The following ADAMTSL1 variants were observed in gnomAD, a reference collection of about 807,000 sequenced individuals.
ADAMTSL1 encodes the protein ADAMTS like 1.
A neutral mutation model predicts 201.8 loss-of-function variants in ADAMTSL1; 126 were observed. The ratio of observed to expected loss-of-function variants is 0.62; its 90% CI spans 0.54 to 0.72. The LOEUF (loss-of-function observed/expected upper bound fraction) is 0.72, where lower values mean the gene tolerates loss of function less well. Among genes scored for constraint, ADAMTSL1 ranks in the 30% least tolerant of loss-of-function variants. ADAMTSL1 has a pLI of 0.00. For missense variants in ADAMTSL1, 2,679 were observed against 2,277.8 expected (o/e 1.18, Z -3.59); for synonymous variants, 1,121 against 903.4 (o/e 1.24, Z -4.32).
chr9:18,703,999 A>G (rs1832085051), intron 13 of ADAMTSL1, among the ~76,000 whole-genome samples: 2 of 152,018 alleles, frequency 1.3e-5, no homozygotes, highest in African/African-American at 4.8e-5. Context: ...ATAAGCTTAT[A>G]TATGTGAAAA....
At chr9:18,452,821 C>A (rs963481112) in intron 2 of ADAMTSL1, among the ~76,000 whole-genome samples, 2 of 152,232 alleles carry the variant, frequency 1.3e-5, no homozygotes, top group African/African-American at 4.8e-5. Context: ...AGGCCTCACG[C>A]AGCCTCATTC....
intron 1 of ADAMTSL1, among the ~76,000 whole-genome samples, chr9:18,067,865 T>C (rs937572419): frequency 1.3e-5 from 2 of 152,186 alleles, no homozygotes; most frequent in African/African-American, 4.8e-5. Context: ...GAGGGTTCTT[T>C]TCTAGAGCCT....
intron 19 of ADAMTSL1, among the ~76,000 whole-genome samples, chr9:18,785,288 C>T (rs1039226887): frequency 7.2e-5 from 11 of 152,154 alleles, no homozygotes; most frequent in African/African-American, 2.7e-4. Flanking sequence ...ATAAGAAGGC[C>T]ACTGGGGTCA....
At chr9:18,187,931 A>AT (rs1183712281) in intron 2 of ADAMTSL1, among the ~76,000 whole-genome samples, 1 of 152,132 alleles carries the variant, frequency 6.6e-6, no homozygotes, top group Non-Finnish European at 1.5e-5. Flanking sequence ...CCATTTATAC[A>AT]TTTTTGTGAT....
chr9:18,735,748 CTTTTTTTTT>C (rs71333066), intron 15 of ADAMTSL1, among the ~76,000 whole-genome samples: 2 of 106,686 alleles, frequency 1.9e-5, no homozygotes, highest in Non-Finnish European at 3.8e-5. Flanking sequence ...ATTCTTTTTT[CTTTTTTTTT>C]TTTTTTTTTT....
At chr9:18,706,175 AG>A (rs146577136) in intron 13 of ADAMTSL1, among the ~76,000 whole-genome samples, 468 of 152,326 alleles carry the variant, frequency 3.1e-3, no homozygotes, top group African/African-American at 0.011. Context: ...CCTGGAATTG[AG>A]GATCCTCCCC....
At chr9:18,098,849 C>G (rs1196247893) in intron 1 of ADAMTSL1, among the ~76,000 whole-genome samples, 1 of 152,142 alleles carries the variant, frequency 6.6e-6, no homozygotes, top group East Asian at 1.9e-4. Context: ...TTAGCTAGGA[C>G]TCCAGCTCAC....
At chr9:18,546,038 A>G (rs1820447111) in intron 3 of ADAMTSL1, among the ~76,000 whole-genome samples, 1 of 152,214 alleles carries the variant, frequency 6.6e-6, no homozygotes, top group Non-Finnish European at 1.5e-5. Flanking sequence ...CCATTATTTA[A>G]TTAGTTAACA....
intron 7 of ADAMTSL1, among the ~76,000 whole-genome samples, chr9:18,645,011 A>C (rs544436054): frequency 6.6e-6 from 1 of 152,226 alleles, no homozygotes; most frequent in African/African-American, 2.4e-5. Flanking sequence ...CCAACAGTGT[A>C]AAAGTGTTTC....
chr9:18,261,766 A>C (rs908800534), intron 2 of ADAMTSL1, among the ~76,000 whole-genome samples: 1 of 152,192 alleles, frequency 6.6e-6, no homozygotes, highest in Non-Finnish European at 1.5e-5. Context: ...TAAAAGCAAG[A>C]AGAGAACTAT....
intron 2 of ADAMTSL1, among the ~76,000 whole-genome samples, chr9:18,286,824 T>C (rs537458043): frequency 2.0e-5 from 3 of 152,272 alleles, no homozygotes; most frequent in South Asian, 4.1e-4. Flanking sequence ...CTAGACTAAT[T>C]CACAGATTTT....
At chr9:18,195,079 A>G (rs1287689552) in intron 2 of ADAMTSL1, among the ~76,000 whole-genome samples, 2 of 152,152 alleles carry the variant, frequency 1.3e-5, no homozygotes, top group Admixed American at 6.6e-5. Context: ...GGAACCCTTA[A>G]TATGGTACCT....
At chr9:18,129,534 G>T (rs761877009) in intron 1 of ADAMTSL1, among the ~76,000 whole-genome samples, 24 of 152,130 alleles carry the variant, frequency 1.6e-4, no homozygotes, top group Non-Finnish European at 3.1e-4. Context: ...TTTTCTGTGG[G>T]TTTTTATCTG....
chr9:18,472,504 C>G (rs1414503961), upstream of ADAMTSL1, among the ~76,000 whole-genome samples: 1 of 152,176 alleles, frequency 6.6e-6, no homozygotes, highest in Non-Finnish European at 1.5e-5. Flanking sequence ...CCTTGACTTT[C>G]CTAACAGCAT....
At chr9:18,250,827 G>T (rs922543893) in intron 2 of ADAMTSL1, among the ~76,000 whole-genome samples, 4 of 152,152 alleles carry the variant, frequency 2.6e-5, no homozygotes, top group African/African-American at 9.7e-5. Context: ...GGTAAGAGAA[G>T]AAATGACTCG....
chr9:18,816,971 T>A, intron 20 of ADAMTSL1, 138 bp from the exon 21 acceptor site: 1 of 1,145,016 alleles, frequency 8.7e-7, no homozygotes, highest in Non-Finnish European at 1.2e-6. Context: ...CGCTTGCAAT[T>A]TTTCAAGAGA....
intron 2 of ADAMTSL1, among the ~76,000 whole-genome samples, chr9:18,381,655 C>T (rs1369539980): frequency 1.3e-5 from 2 of 151,808 alleles, no homozygotes; most frequent in Non-Finnish European, 2.9e-5. Flanking sequence ...TAATGAAATG[C>T]GTGTAGAAAT....
chr9:18,023,602 CT>C (rs1250716651), intron 1 of ADAMTSL1, among the ~76,000 whole-genome samples: 1 of 152,130 alleles, frequency 6.6e-6, no homozygotes, highest in Non-Finnish European at 1.5e-5. Context: ...TAGCTGCTGG[CT>C]TTGGGATTTT....
intron 1 of ADAMTSL1, 55 bp downstream of exon 1, chr9:18,474,350 T>C (rs931096181): frequency 7.0e-6 from 11 of 1,571,246 alleles, no homozygotes; most frequent in Non-Finnish European, 8.8e-6. Flanking sequence ...TGGGTGCTGT[T>C]GGGGGTGTGT....
Sources: allele counts gnomAD v4.1 joint callset (sites outside exome capture counted in the v4.1 genomes callset), GRCh38; gene constraint gnomAD v4.1.1; transcripts MANE v1.5; gene names NCBI Gene and HGNC (gene_info 2026-07-23, HGNC 2026-07-21).